Variants in IP6K3 observed in about 807,000 individuals in gnomAD.
IP6K3 encodes the protein ATP:1D-myo-inositol-hexakisphosphate phosphotransferase.
A neutral mutation model predicts 28.8 loss-of-function variants in IP6K3; 20 were observed. The observed-to-expected ratio is 0.70, with a 90% CI of 0.49 to 1.01. IP6K3 has a LOEUF of 1.01. Ranked by LOEUF, IP6K3 falls within the 50% of genes least tolerant of loss-of-function variation. The pLI is 0.00. For missense variants in IP6K3, 480 were observed against 537.1 expected (o/e 0.89, Z 1.05); for synonymous variants, 213 against 221.3 (o/e 0.96, Z 0.33).
the IP6K3 span, among the ~76,000 whole-genome samples, chr6:33,755,471 C>T: frequency 1.3e-5 from 2 of 152,238 alleles, no homozygotes; most frequent in Admixed American, 1.3e-4. Context: ...ACTGAATTGT[C>T]TAGACTGAAT....
the IP6K3 span, among the ~76,000 whole-genome samples, chr6:33,761,454 C>G: frequency 6.6e-6 from 1 of 152,170 alleles, no homozygotes. Context: ...CATCTGACTC[C>G]ACAGCTGTGA....
At chr6:33,731,303 T>C (rs993109914) in intron 2 of IP6K3, among the ~76,000 whole-genome samples, 2 of 152,054 alleles carry the variant, frequency 1.3e-5, no homozygotes, top group African/African-American at 4.8e-5. Flanking sequence ...CACGTGAGGC[T>C]ATGGTGACAG....
At chr6:33,740,674 C>T (rs532851074) in intron 1 of IP6K3, among the ~76,000 whole-genome samples, 15 of 152,348 alleles carry the variant, frequency 9.8e-5, no homozygotes, top group East Asian at 1.9e-4. Flanking sequence ...CAAGCCGAGG[C>T]GGATAAGGGC....
chr6:33,748,968 C>T (rs35445446), upstream of IP6K3, among the ~76,000 whole-genome samples: 17,950 of 152,240 alleles, frequency 0.12, 1,459 homozygotes, highest in Middle Eastern at 0.21. Context: ...GTCCCTCCCC[C>T]TGCCCAGCTG....
rs1409989693 is a variant in IP6K3 at position 33,722,681 on chromosome 6, A to T, written c.*39T>A. The T allele has an allele frequency of 8.5e-6, 12 of 1,410,184 alleles. No individual in the cohort carries two copies. The highest frequency in any genetic ancestry group is 1.2e-5 in the Non-Finnish European group (12 of 1,019,590). The allele number at this position is 1,410,184 out of a possible 1,614,324, so 87.4% of individuals were successfully genotyped here. On this transcript the variant is annotated 3_prime_UTR_variant, in exon 6 of 6. Transcript: ENST00000293756. Reference sequence around the variant, plus strand: ...AGCAACCAACAGGTCTCTATTTGAGATCTATAGCCCAGAAGAATCCAGATA... The same window carrying T: ...AGCAACCAACAGGTCTCTATTTGAGTTCTATAGCCCAGAAGAATCCAGATA...
At chr6:33,728,953 A>G (rs538073009) in intron 2 of IP6K3, among the ~76,000 whole-genome samples, 4 of 152,308 alleles carry the variant, frequency 2.6e-5, no homozygotes, top group Admixed American at 1.3e-4. Context: ...GCATCCACAC[A>G]TGAAGATTAT....
chr6:33,747,342 G>A (rs185297416), upstream of IP6K3, among the ~76,000 whole-genome samples: 100 of 152,264 alleles, frequency 6.6e-4, no homozygotes, highest in African/African-American at 2.2e-3. This position sits in a 1 kb window ranked among gnomAD's most constrained non-coding sequence, Gnocchi z 5.2. Context: ...GCGGCAAGAC[G>A]TTCCATCAGT....
At chr6:33,759,030 G>T in the IP6K3 span, among the ~76,000 whole-genome samples, 1 of 152,356 alleles carries the variant, frequency 6.6e-6, no homozygotes. Context: ...TAAGTACAGA[G>T]GCAGGATGGG....
intron 5 of IP6K3, among the ~76,000 whole-genome samples, chr6:33,724,824 G>T (rs760995117): frequency 1.3e-5 from 2 of 152,138 alleles, no homozygotes; most frequent in African/African-American, 2.4e-5. Flanking sequence ...TGCATCAAAG[G>T]TCTGCTCACA....
At chr6:33,752,306 A>T in the IP6K3 span, among the ~76,000 whole-genome samples, 1 of 152,210 alleles carries the variant, frequency 6.6e-6, no homozygotes, top group Non-Finnish European at 1.5e-5. Context: ...CGCCCTGCCC[A>T]CTGGTCCTTG....
intron 2 of IP6K3, among the ~76,000 whole-genome samples, chr6:33,733,902 G>A (rs924479651): frequency 3.9e-5 from 6 of 152,184 alleles, no homozygotes; most frequent in African/African-American, 9.7e-5. Flanking sequence ...GGTCTGGACC[G>A]TGTTAAATAA....
chr6:33,740,291 G>A (rs1766671202), intron 1 of IP6K3, among the ~76,000 whole-genome samples: 1 of 152,268 alleles, frequency 6.6e-6, no homozygotes, highest in African/African-American at 2.4e-5. Context: ...CCACCAGGAA[G>A]TGGACAGATG....
intron 5 of IP6K3, among the ~76,000 whole-genome samples, chr6:33,725,118 A>G (rs922419611): frequency 6.6e-6 from 1 of 151,376 alleles, no homozygotes; most frequent in Non-Finnish European, 1.5e-5. Context: ...AGTCCCAGCT[A>G]CTCGGGAGGC....
upstream of IP6K3, among the ~76,000 whole-genome samples, chr6:33,749,332 G>A (rs998684038): frequency 2.0e-5 from 3 of 152,066 alleles, no homozygotes; most frequent in Non-Finnish European, 4.4e-5. Context: ...TATGTGATCT[G>A]AGACATACAG....
chr6:33,729,708 C>G (rs1200296040), intron 2 of IP6K3, among the ~76,000 whole-genome samples: 2 of 151,634 alleles, frequency 1.3e-5, no homozygotes, highest in Non-Finnish European at 2.9e-5. Context: ...TTCCTTTTTT[C>G]TTTCTTTCTT....
chr6:33,747,239 C>A (rs2127369025), upstream of IP6K3, among the ~76,000 whole-genome samples: 1 of 152,286 alleles, frequency 6.6e-6, no homozygotes, highest in South Asian at 2.1e-4. The surrounding 1 kb of genome is among the most constrained non-coding windows in gnomAD (Gnocchi z 5.2). Context: ...GGGGTTCATG[C>A]TCTCCCTTCT....
intron 1 of IP6K3, among the ~76,000 whole-genome samples, chr6:33,738,569 G>A (rs778409785): frequency 1.3e-5 from 2 of 152,160 alleles, no homozygotes; most frequent in Non-Finnish European, 2.9e-5. Context: ...GAGGCAATTC[G>A]TGTTACCAGC....
the IP6K3 span, among the ~76,000 whole-genome samples, chr6:33,760,717 G>A: frequency 6.6e-6 from 1 of 152,128 alleles, no homozygotes; most frequent in Non-Finnish European, 1.5e-5. Flanking sequence ...TAGTAGAGAC[G>A]GGGTTTTGCC....
chr6:33,731,139 C>T lies in IP6K3; in HGVS notation c.200-2839G>A, dbSNP rs140985735. Among the ~76,000 whole-genome samples the T allele has an allele frequency of 5.9e-5, 9 of 152,340 alleles. No homozygotes were observed. The East Asian group carries it at 1.7e-3, about 29-fold the overall frequency. On this transcript the variant is annotated intron_variant, in intron 2 of 5. Transcript: ENST00000293756. ...AGGTGCGAGAAGGGGAGAGAGCCAGCAGCCTCGTGCAGTTCCTGGGGAACC... is the reference window on the plus strand; with the variant it reads ...AGGTGCGAGAAGGGGAGAGAGCCAGTAGCCTCGTGCAGTTCCTGGGGAACC...
Sources: gnomAD v4.1 joint callset for allele counts (sites outside exome capture counted in the v4.1 genomes callset) on GRCh38, gnomAD v4.1.1 for gene constraint, Gnocchi (gnomAD v3.1) non-coding constraint, MANE v1.5 for transcripts, NCBI Gene and HGNC (gene_info 2026-07-23, HGNC 2026-07-21) for gene names.